TAFA2: variants seen among roughly 807,000 people sequenced by gnomAD.
TAFA2 encodes TAFA chemokine like family member 2.
In TAFA2, 7 loss-of-function variants were observed where a neutral mutation model predicts 18.8. The ratio of observed to expected loss-of-function variants is 0.37; its 90% CI spans 0.21 to 0.70. TAFA2 has a LOEUF of 0.70. Among genes scored for constraint, TAFA2 ranks in the 30% least tolerant of loss-of-function variants. The pLI, the probability that TAFA2 is intolerant of heterozygous loss-of-function variation, is 0.53. For synonymous variants in TAFA2, 60 were observed against 54.2 expected, an observed-to-expected ratio of 1.11 and a Z score of -0.47; for missense variants, 122 against 158.1, an observed-to-expected ratio of 0.77 and a Z score of 1.23.
rs537583456 is a variant in TAFA2 at position 61,812,893 on chromosome 12, T to G, written c.106+54427A>C. Among the ~76,000 whole-genome samples the G allele has an allele frequency of 6.6e-5, 10 of 151,538 alleles. No homozygotes were observed. The South Asian group carries it at 1.4e-3, about 22-fold the overall frequency. On this transcript the variant is annotated intron_variant, in intron 2 of 4. Transcript: ENST00000416284. ...CCAACTTTTCTTTTCAATAAATGTT[T>G]ACTGAAGACAGTTCAGAAAATACAG...
At chr12:62,020,829 T>C (rs1380340047) in intron 1 of TAFA2, among the ~76,000 whole-genome samples, 1 of 152,226 alleles carries the variant, frequency 6.6e-6, no homozygotes, top group African/African-American at 2.4e-5. Flanking sequence ...AGCCTGGTTT[T>C]ATATGGCCCA....
chr12:61,720,612 A>C, intron 4 of TAFA2: 1 of 223,402 alleles, frequency 4.5e-6, no homozygotes, highest in Non-Finnish European at 9.1e-6. Context: ...CTCTGAAATC[A>C]GGGGCACTTA....
chr12:61,929,691 A>C (rs893742697), intron 1 of TAFA2, among the ~76,000 whole-genome samples: 2 of 151,912 alleles, frequency 1.3e-5, no homozygotes, highest in African/African-American at 4.8e-5. Flanking sequence ...TGCTGCTATA[A>C]AGACACATGC....
chr12:61,887,591 C>A (rs1254558496), intron 1 of TAFA2, among the ~76,000 whole-genome samples: 4 of 122,470 alleles, frequency 3.3e-5, no homozygotes, highest in African/African-American at 9.2e-5. Context: ...CCCCTCCCCC[C>A]ACCCCACAAC....
At chr12:61,864,145 A>G in intron 2 of TAFA2, among the ~76,000 whole-genome samples, 1 of 152,090 alleles carries the variant, frequency 6.6e-6, no homozygotes, top group East Asian at 1.9e-4. Flanking sequence ...TCATACGCAA[A>G]TTGCCTCTGA....
At chr12:62,032,367 C>T (rs1051863930) in intron 1 of TAFA2, among the ~76,000 whole-genome samples, 1 of 152,122 alleles carries the variant, frequency 6.6e-6, no homozygotes, top group Non-Finnish European at 1.5e-5. Context: ...TTGGCATGCA[C>T]ATTAGGATGT....
chr12:61,758,671 G>A (rs572963409), intron 2 of TAFA2, among the ~76,000 whole-genome samples: 1 of 151,978 alleles, frequency 6.6e-6, no homozygotes, highest in Admixed American at 6.6e-5. Context: ...GGAAAGAGTG[G>A]TAGGAATACC....
intron 1 of TAFA2, among the ~76,000 whole-genome samples, chr12:61,970,215 T>C (rs1222538020): frequency 6.6e-6 from 1 of 151,660 alleles, no homozygotes; most frequent in African/African-American, 2.4e-5. Flanking sequence ...ATTAATTAGC[T>C]AATTGATAAT....
At position 62,128,345 on chromosome 12, in the gene TAFA2, CAGAT is replaced by C. The variant is rs139610489; in HGVS notation, c.-2+62910_-2+62913del. 2.4e-3 allele frequency among the ~76,000 whole-genome samples: 362 copies of C among 152,156 alleles called. 2 individuals are homozygous for C. Among genetic ancestry groups the C allele is most frequent in the African/African-American group, 7.8e-3 (323 of 41,534 alleles). On this transcript the variant is annotated intron_variant, in intron 1 of 4. Coordinates refer to ENST00000416284, the MANE Select transcript of TAFA2 (RefSeq NM_178539.5). The stretch of plus-strand genomic sequence containing the variant: ...AAAATCAATGCACTGGTTTTGTACT[CAGAT>C]AATTCATTTCCTTGGAAACTCAGAG...
chr12:61,979,423 T>C (rs1205632218), intron 1 of TAFA2, among the ~76,000 whole-genome samples: 1 of 152,058 alleles, frequency 6.6e-6, no homozygotes, highest in East Asian at 1.9e-4. Flanking sequence ...TTATATCATA[T>C]GAATAAAAAA....
chr12:62,149,880 T>A (rs2062315749), intron 1 of TAFA2, among the ~76,000 whole-genome samples: 2 of 152,194 alleles, frequency 1.3e-5, no homozygotes, highest in Non-Finnish European at 2.9e-5. Flanking sequence ...TCTGCCTTAT[T>A]TGTGAAATTG....
At chr12:62,232,281 C>T (rs1371276274) in intron 1 of TAFA2, among the ~76,000 whole-genome samples, 1 of 152,210 alleles carries the variant, frequency 6.6e-6, no homozygotes, top group Non-Finnish European at 1.5e-5. Flanking sequence ...GCCAAAGCCA[C>T]CTTGACTCTC....
chr12:61,783,490 T>G (rs1489908483), intron 2 of TAFA2, among the ~76,000 whole-genome samples: 1 of 151,642 alleles, frequency 6.6e-6, no homozygotes, highest in Non-Finnish European at 1.5e-5. Context: ...GATAGGAATT[T>G]CTTGAATTTG....
intron 1 of TAFA2, among the ~76,000 whole-genome samples, chr12:62,061,804 C>G (rs1452660375): frequency 6.6e-6 from 1 of 152,150 alleles, no homozygotes; most frequent in Non-Finnish European, 1.5e-5. Context: ...TGTATCAGAT[C>G]AGACTATTTT....
intron 1 of TAFA2, among the ~76,000 whole-genome samples, chr12:62,248,164 GAA>G (rs1383084288): frequency 6.6e-6 from 1 of 152,230 alleles, no homozygotes; most frequent in Non-Finnish European, 1.5e-5. Context: ...CACATGAGCT[GAA>G]GAGGCCAGGC....
intron 1 of TAFA2, among the ~76,000 whole-genome samples, chr12:61,914,942 A>G (rs745452696): frequency 2.6e-5 from 4 of 152,104 alleles, no homozygotes; most frequent in Non-Finnish European, 5.9e-5. Context: ...GCAGGCAGAT[A>G]ACCTGAGGTC....
intron 2 of TAFA2, among the ~76,000 whole-genome samples, chr12:61,829,119 A>G (rs1431259070): frequency 6.6e-6 from 1 of 151,822 alleles, no homozygotes; most frequent in East Asian, 1.9e-4. Context: ...TTAAAACTAC[A>G]AAAGTCTCAG....
At chr12:61,979,769 C>T (rs141791161) in intron 1 of TAFA2, among the ~76,000 whole-genome samples, 1 of 151,976 alleles carries the variant, frequency 6.6e-6, no homozygotes. Flanking sequence ...GGCACCACCC[C>T]CTCCCCAGTG....
intron 1 of TAFA2, among the ~76,000 whole-genome samples, chr12:62,062,075 G>A (rs928215447): frequency 2.0e-5 from 3 of 152,130 alleles, no homozygotes; most frequent in East Asian, 3.9e-4. Flanking sequence ...TCCAGAAGCT[G>A]AGGCATGGGA....
Sources: gnomAD v4.1 joint callset for allele counts (sites outside exome capture counted in the v4.1 genomes callset) on GRCh38, gnomAD v4.1.1 for gene constraint, MANE v1.5 for transcripts, NCBI Gene and HGNC (gene_info 2026-07-23, HGNC 2026-07-21) for gene names.